Variants in SLCO1B3 observed in about 807,000 individuals in gnomAD.
SLCO1B3 encodes the protein liver-specific organic anion transporter 2.
SLCO1B3 carries 72 observed loss-of-function variants against 71.8 expected under a neutral mutation model. The observed-to-expected ratio is 1.00, with a 90% CI of 0.83 to 1.22. The LOEUF (loss-of-function observed/expected upper bound fraction) is 1.22. Among genes scored for constraint, SLCO1B3 ranks in the 50% most tolerant of loss-of-function variants. SLCO1B3 has a pLI of 0.00. For synonymous variants in SLCO1B3, 298 were observed against 278.4 expected (o/e 1.07, Z -0.70); for missense variants, 911 against 819.7 (o/e 1.11, Z -1.36).
At chr12:20,832,498 T>TA (rs11305410) in intron 3 of SLCO1B3, among the ~76,000 whole-genome samples, 21,311 of 149,916 alleles carry the variant, frequency 0.14, 1,638 homozygotes, top group African/African-American at 0.21. Flanking sequence ...TAATGATTAT[T>TA]AAAAAAAAAA....
intron 1 of SLCO1B3, among the ~76,000 whole-genome samples, chr12:20,813,232 T>C (rs181157166): frequency 1.3e-5 from 2 of 152,334 alleles, no homozygotes; most frequent in Admixed American, 6.5e-5. Flanking sequence ...GCATTTATAA[T>C]ATAGAGAATC....
intron 13 of SLCO1B3, among the ~76,000 whole-genome samples, chr12:20,890,659 C>T (rs1332404058): frequency 6.6e-6 from 1 of 152,090 alleles, no homozygotes; most frequent in African/African-American, 2.4e-5. Flanking sequence ...ATTTTGTTTT[C>T]CTTAGGCCCA....
At chr12:20,852,633 G>A (rs1865048491) in intron 3 of SLCO1B3, among the ~76,000 whole-genome samples, 1 of 151,972 alleles carries the variant, frequency 6.6e-6, no homozygotes, top group African/African-American at 2.4e-5. Flanking sequence ...ATATTTAATA[G>A]GTTTCAGTGT....
chr12:20,884,078 C>G (rs1195585369), intron 13 of SLCO1B3, among the ~76,000 whole-genome samples: 1 of 152,006 alleles, frequency 6.6e-6, no homozygotes, highest in Admixed American at 6.6e-5. Flanking sequence ...TTCATGATAC[C>G]CTTGTAGGGC....
intron 15 of SLCO1B3, among the ~76,000 whole-genome samples, chr12:20,907,360 C>A (rs1255903016): frequency 6.6e-6 from 1 of 152,070 alleles, no homozygotes; most frequent in East Asian, 1.9e-4. Flanking sequence ...TATAGAAAAT[C>A]TTTCCCTAAA....
intron 13 of SLCO1B3, among the ~76,000 whole-genome samples, chr12:20,889,797 C>T (rs1387947150): frequency 1.3e-5 from 2 of 151,976 alleles, no homozygotes; most frequent in Non-Finnish European, 2.9e-5. Context: ...AATTTTATAT[C>T]TTTCTGTCTT....
chr12:20,904,716 G>T (rs996169098), intron 15 of SLCO1B3, among the ~76,000 whole-genome samples: 3 of 144,546 alleles, frequency 2.1e-5, no homozygotes, highest in Non-Finnish European at 4.5e-5. Flanking sequence ...TTTCATGAGG[G>T]CTCCACCCCT....
chr12:20,823,011 A>T (rs558005459), intron 3 of SLCO1B3, among the ~76,000 whole-genome samples: 1 of 152,136 alleles, frequency 6.6e-6, no homozygotes, highest in African/African-American at 2.4e-5. Context: ...CTAGACCAAT[A>T]GATCCCACGT....
chr12:20,910,848 TG>T (rs1866359142), intron 15 of SLCO1B3, among the ~76,000 whole-genome samples: 1 of 152,168 alleles, frequency 6.6e-6, no homozygotes, highest in Non-Finnish European at 1.5e-5. Flanking sequence ...GTTCCAGTAG[TG>T]TTTTTGTCTA....
intron 3 of SLCO1B3, among the ~76,000 whole-genome samples, chr12:20,852,776 G>T (rs1865050803): frequency 6.6e-6 from 1 of 151,902 alleles, no homozygotes; most frequent in Admixed American, 6.6e-5. Flanking sequence ...TTTGAATGTT[G>T]ATTTGTGTCC....
intron 3 of SLCO1B3, among the ~76,000 whole-genome samples, chr12:20,828,973 C>G (rs1864484989): frequency 1.6e-5 from 2 of 122,068 alleles, no homozygotes; most frequent in African/African-American, 5.9e-5. Context: ...GTAATTTTTT[C>G]CTTTTGCTGG....
At chr12:20,817,457 T>C (rs981040658) in intron 3 of SLCO1B3, among the ~76,000 whole-genome samples, 1 of 152,202 alleles carries the variant, frequency 6.6e-6, no homozygotes, top group African/African-American at 2.4e-5. Context: ...CCATTGAATG[T>C]TCCTGGCACC....
chr12:20,862,688 T>A (rs766000068), intron 7 of SLCO1B3, 68 bp from the exon 8 acceptor site: 1 of 1,469,392 alleles, frequency 6.8e-7, no homozygotes, highest in Non-Finnish European at 9.4e-7. Context: ...AATATTACTT[T>A]TAAAAGCATG....
intron 13 of SLCO1B3, among the ~76,000 whole-genome samples, chr12:20,888,579 A>T (rs1296499464): frequency 6.6e-6 from 1 of 152,002 alleles, no homozygotes; most frequent in East Asian, 1.9e-4. Flanking sequence ...CAAGTCTAAG[A>T]GGCTTTCAGA....
At chr12:20,851,505 A>C (rs1019911658) in intron 3 of SLCO1B3, among the ~76,000 whole-genome samples, 2 of 151,916 alleles carry the variant, frequency 1.3e-5, no homozygotes, top group African/African-American at 4.8e-5. Context: ...TCCATTTTTT[A>C]GTTGCATTAT....
At chr12:20,909,124 G>A (rs10770758) in intron 15 of SLCO1B3, among the ~76,000 whole-genome samples, 1 of 150,652 alleles carries the variant, frequency 6.6e-6, no homozygotes, top group Non-Finnish European at 1.5e-5. Flanking sequence ...ATGTGCATTT[G>A]CTTGATTTCC....
At chr12:20,898,978 A>G (rs961269777) in intron 14 of SLCO1B3, among the ~76,000 whole-genome samples, 15 of 152,162 alleles carry the variant, frequency 9.9e-5, no homozygotes, top group Non-Finnish European at 1.5e-4. Context: ...CTGGTCCTCT[A>G]TGGCTGGACA....
intron 13 of SLCO1B3, among the ~76,000 whole-genome samples, chr12:20,885,185 C>T (rs1418966569): frequency 6.6e-6 from 1 of 152,060 alleles, no homozygotes; most frequent in African/African-American, 2.4e-5. Flanking sequence ...TCTCACCTGC[C>T]TTTGATTTCC....
rs763362797 is a variant in SLCO1B3, at chr12:20,877,782, G to A, written c.981G>A (p.Gln327=). The A allele has an allele frequency of 7.0e-7, 1 of 1,423,292 alleles. No individual in the cohort carries two copies. Among genetic ancestry groups the A allele is most frequent in the Non-Finnish European group, 9.3e-7 (1 of 1,075,406 alleles). The allele number at this position is 1,423,292 out of a possible 1,614,324, so 88.2% of individuals were successfully genotyped here. Reference sequence around the variant, plus strand: ...TTTATAACTCTATAGGTTTTTTCCAGTCTTTGAAAAGCATCCTTACCAATC... The same window carrying A: ...TTTATAACTCTATAGGTTTTTTCCAATCTTTGAAAAGCATCCTTACCAATC... ...NVTKNVTGFF[Q]SLKSILTNPL... is the part of the protein sequence containing the mutation. Residue 327 remains glutamine, a synonymous_variant, in exon 10 of 16, where the codon CAG becomes CAA. Transcript: ENST00000381545.
Sources: allele counts gnomAD v4.1 joint callset (sites outside exome capture counted in the v4.1 genomes callset), GRCh38; gene constraint gnomAD v4.1.1; transcripts MANE v1.5; gene names NCBI Gene and HGNC (gene_info 2026-07-23, HGNC 2026-07-21).